CD300LF: variants seen among roughly 807,000 people sequenced by gnomAD.
CD300LF encodes CMRF35-like molecule 1.
CD300LF carries 27 observed loss-of-function variants against 32.2 expected under a neutral mutation model. The observed-to-expected ratio is 0.84, with a 90% confidence interval of 0.62 to 1.15. The LOEUF (loss-of-function observed/expected upper bound fraction) is 1.15. CD300LF is among the 50% of genes most tolerant of loss of function. The probability of loss-of-function intolerance (pLI) is 0.00; values close to 1 mark genes in which losing one functional copy is unlikely to be tolerated. For missense variants in CD300LF, 348 were observed against 356.8 expected, an observed-to-expected ratio of 0.98 and a Z score of 0.20; for synonymous variants, 139 against 143.2, an observed-to-expected ratio of 0.97 and a Z score of 0.21.
chr17:74,703,236 G>A (rs953165986), intron 2 of CD300LF, 138 bp from the exon 3 acceptor site: 3 of 1,021,374 alleles, frequency 2.9e-6, no homozygotes, highest in African/African-American at 3.2e-5. Flanking sequence ...GCCTGGGCGG[G>A]GGTCTGGACT....
intron 1 of CD300LF, among the ~76,000 whole-genome samples, chr17:74,708,550 A>T: frequency 6.6e-6 from 1 of 152,372 alleles, no homozygotes; most frequent in Non-Finnish European, 1.5e-5. Context: ...ATCTGGTGAT[A>T]CATAAACAGG....
At chr17:74,704,143 G>A (rs566845540) in intron 2 of CD300LF, among the ~76,000 whole-genome samples, 2 of 152,194 alleles carry the variant, frequency 1.3e-5, no homozygotes, top group Non-Finnish European at 2.9e-5. Context: ...AAAAAGCAAT[G>A]GCAAGGACTG....
rs1196605428 is a variant in CD300LF, at chr17:74,698,474, G to A, written c.454C>T (p.Leu152Phe). Reference protein sequence around the residue: ...TGHHLDNRHKLLKLSVLLPLI... With the variant: ...TGHHLDNRHKFLKLSVLLPLI... ...GGCAGGAGGACACTGAGCTTCAGGA[G>A]CTTGTGCCTAGAAACAATGGCAAGC... Residue 152 changes from leucine (L) to phenylalanine (F), a missense_variant, in exon 4 of 7, where the codon CTC becomes TTC. Coordinates refer to ENST00000326165, the MANE Select transcript of CD300LF (RefSeq NM_139018.5). 5.0e-6 allele frequency: 8 copies of A among 1,613,518 alleles called. No homozygotes were observed. The highest frequency in any genetic ancestry group is 6.8e-6 in the Non-Finnish European group (8 of 1,179,744).
At chr17:74,711,291 C>T (rs574994177) in intron 1 of CD300LF, among the ~76,000 whole-genome samples, 5 of 152,020 alleles carry the variant, frequency 3.3e-5, no homozygotes, top group Non-Finnish European at 5.9e-5. Context: ...GACAGAGGTC[C>T]CAAACCACTC....
intron 1 of CD300LF, among the ~76,000 whole-genome samples, chr17:74,712,226 T>C (rs2034014801): frequency 6.6e-6 from 1 of 152,204 alleles, no homozygotes. Flanking sequence ...ATAAAAATTG[T>C]ATGCACCAAC....
chr17:74,697,256 TG>T (rs1286282245), intron 4 of CD300LF, among the ~76,000 whole-genome samples: 8 of 152,212 alleles, frequency 5.3e-5, no homozygotes, highest in African/African-American at 1.9e-4. Flanking sequence ...TGGATTGGAT[TG>T]TTTTTCCACT....
chr17:74,695,328 G>A, intron 6 of CD300LF, 77 bp from the exon 7 acceptor site: 1 of 1,537,970 alleles, frequency 6.5e-7, no homozygotes, highest in Non-Finnish European at 8.9e-7. Flanking sequence ...CCTCGGAGGA[G>A]GATAGTGGGG....
At chr17:74,704,412 T>G (rs2033337396) in intron 2 of CD300LF, 66 bp downstream of exon 2, 1 of 1,140,906 alleles carries the variant, frequency 8.8e-7, no homozygotes, top group Non-Finnish European at 1.3e-6. Flanking sequence ...ATCACTTGAG[T>G]AGGACCTCAG....
intron 3 of CD300LF, among the ~76,000 whole-genome samples, chr17:74,699,735 C>T (rs1005185829): frequency 6.6e-6 from 1 of 152,124 alleles, no homozygotes; most frequent in Non-Finnish European, 1.5e-5. Context: ...TGCTTTGAGC[C>T]ACTCGTAACG....
intron 1 of CD300LF, among the ~76,000 whole-genome samples, chr17:74,707,650 G>A (rs374879854): frequency 6.6e-6 from 1 of 151,780 alleles, no homozygotes; most frequent in East Asian, 1.9e-4. Flanking sequence ...GGGAGGCGGA[G>A]GTTGCAGTGA....
At chr17:74,695,301 T>A (rs766095230) in intron 6 of CD300LF, 50 bp from the exon 7 acceptor site, 1 of 1,606,454 alleles carries the variant, frequency 6.2e-7, no homozygotes, top group Admixed American at 1.7e-5. Flanking sequence ...GAAGTGACGG[T>A]CACGGGGCAG....
chr17:74,705,156 G>C (rs1262375427), intron 1 of CD300LF: 4 of 691,238 alleles, frequency 5.8e-6, no homozygotes, highest in Non-Finnish European at 1.1e-5. Context: ...TGTTAGTCCA[G>C]TGTGGTGGGG....
At chr17:74,698,950 G>A (rs2032782634) in intron 3 of CD300LF, among the ~76,000 whole-genome samples, 2 of 152,126 alleles carry the variant, frequency 1.3e-5, no homozygotes, top group African/African-American at 4.8e-5. Context: ...ACAGAGTCTT[G>A]CTCTGTCACC....
intron 1 of CD300LF, among the ~76,000 whole-genome samples, chr17:74,710,104 G>A (rs903283401): frequency 3.3e-5 from 5 of 152,030 alleles, no homozygotes; most frequent in Non-Finnish European, 7.4e-5. Context: ...TCAGCCTCCT[G>A]AGTAGCTGGG....
In CD300LF at chr17:74,694,953, C is replaced by T. The variant is rs950800418; in HGVS notation, c.*143G>A. 6 of 940,326 alleles carry T rather than the reference C, an allele frequency of 6.4e-6. No homozygotes were observed. The East Asian group carries it at 1.0e-4, about 16-fold the overall frequency. The allele number at this position is 940,326 out of a possible 1,614,324, so 58.2% of individuals were successfully genotyped here. Reference sequence around the variant, plus strand: ...CCCTGAGACTTGGCCCCAAGCCCAACCCAGAGCTAGGGGCAATGCTGGCTG... The same window carrying T: ...CCCTGAGACTTGGCCCCAAGCCCAATCCAGAGCTAGGGGCAATGCTGGCTG... On this transcript the variant is annotated 3_prime_UTR_variant, in exon 7 of 7. Coordinates refer to ENST00000326165, the MANE Select transcript of CD300LF (RefSeq NM_139018.5).
chr17:74,698,600 T>C, intron 3 of CD300LF, 119 bp from the exon 4 acceptor site: 1 of 1,503,390 alleles, frequency 6.7e-7, no homozygotes, highest in Non-Finnish European at 8.9e-7. Context: ...GTCTGTAGTT[T>C]GCAGCCTGGG....
chr17:74,699,249 G>A (rs1026741801), intron 3 of CD300LF, among the ~76,000 whole-genome samples: 1 of 152,118 alleles, frequency 6.6e-6, no homozygotes, highest in African/African-American at 2.4e-5. Context: ...AGGAGAAAAG[G>A]GTTCCATGAG....
intron 3 of CD300LF, among the ~76,000 whole-genome samples, chr17:74,701,760 G>A (rs1021532196): frequency 1.0e-4 from 15 of 149,306 alleles, no homozygotes; most frequent in Non-Finnish European, 1.2e-4. Flanking sequence ...TGAGGTATGA[G>A]AATCACATGA....
At chr17:74,696,259 C>T in intron 4 of CD300LF, 42 bp from the exon 5 acceptor site, 1 of 1,583,948 alleles carries the variant, frequency 6.3e-7, no homozygotes, top group Non-Finnish European at 8.6e-7. Context: ...AGCCCATTCC[C>T]CAGACTCACA....
Sources: allele counts gnomAD v4.1 joint callset (sites outside exome capture counted in the v4.1 genomes callset), GRCh38; gene constraint gnomAD v4.1.1; transcripts MANE v1.5; gene names NCBI Gene and HGNC (gene_info 2026-07-23, HGNC 2026-07-21).